The following MSRA variants were observed in gnomAD, a reference collection of about 807,000 sequenced individuals.
MSRA encodes methionine sulfoxide reductase A, also known as mitochondrial peptide methionine sulfoxide reductase.
A neutral mutation model predicts 31.3 loss-of-function variants in MSRA; 54 were observed. The ratio of observed to expected loss-of-function variants is 1.73; its 90% CI spans 1.39 to 2.17. MSRA has a LOEUF of 2.17. Ranked by LOEUF, MSRA falls within the 30% of genes most tolerant of loss-of-function variation. The pLI is 0.00. For synonymous variants in MSRA, 169 were observed against 116.5 expected, an observed-to-expected ratio of 1.45 and a Z score of -2.90; for missense variants, 507 against 300.9, an observed-to-expected ratio of 1.69 and a Z score of -5.07.
chr8:10,177,113 A>G (rs543639207), intron 1 of MSRA, among the ~76,000 whole-genome samples: 48 of 152,280 alleles, frequency 3.2e-4, no homozygotes, highest in African/African-American at 1.1e-3. Flanking sequence ...AGTCTCTTGT[A>G]TCTTTGCAAA....
chr8:10,332,417 T>C (rs530397896), intron 5 of MSRA, among the ~76,000 whole-genome samples: 1 of 151,974 alleles, frequency 6.6e-6, no homozygotes, highest in Admixed American at 6.5e-5. Flanking sequence ...AAACCCTGAA[T>C]AATTCATTGA....
At chr8:10,076,461 G>A (rs185530467) in intron 1 of MSRA, among the ~76,000 whole-genome samples, 4 of 152,306 alleles carry the variant, frequency 2.6e-5, no homozygotes, top group Middle Eastern at 3.4e-3. Context: ...AAGCAGGAAG[G>A]TTGATTATTA....
chr8:10,200,680 C>T (rs922747030), intron 1 of MSRA, among the ~76,000 whole-genome samples: 4 of 152,178 alleles, frequency 2.6e-5, no homozygotes, highest in African/African-American at 2.4e-5. Flanking sequence ...GTAGCCTCTC[C>T]TGACATATAG....
intron 5 of MSRA, among the ~76,000 whole-genome samples, chr8:10,410,071 G>T (rs535482792): frequency 4.9e-4 from 75 of 152,324 alleles, no homozygotes; most frequent in Middle Eastern, 3.4e-3. Context: ...TATTTTTAAA[G>T]ATATTTCTTC....
chr8:10,203,215 A>G (rs943354867), intron 1 of MSRA, among the ~76,000 whole-genome samples: 2 of 152,066 alleles, frequency 1.3e-5, no homozygotes, highest in African/African-American at 4.8e-5. Flanking sequence ...TGGTCTTTCC[A>G]TCTCAGCCAG....
intron 5 of MSRA, among the ~76,000 whole-genome samples, chr8:10,405,742 T>C (rs1294977929): frequency 6.6e-6 from 1 of 151,778 alleles, no homozygotes; most frequent in Admixed American, 6.6e-5. Flanking sequence ...CACACGTGTG[T>C]TCACACACAC....
intron 1 of MSRA, among the ~76,000 whole-genome samples, chr8:10,169,308 G>A (rs1009124589): frequency 6.6e-6 from 1 of 152,170 alleles, no homozygotes; most frequent in African/African-American, 2.4e-5. Flanking sequence ...CACAATACTT[G>A]CCTTAACTGA....
chr8:10,059,281 A>T (rs182691075), intron 1 of MSRA, among the ~76,000 whole-genome samples: 1 of 152,330 alleles, frequency 6.6e-6, no homozygotes, highest in Non-Finnish European at 1.5e-5. Context: ...AGTGTCTTGT[A>T]TGCCAGGCAC....
intron 1 of MSRA, among the ~76,000 whole-genome samples, chr8:10,160,199 G>C (rs1252971362): frequency 1.3e-5 from 2 of 152,158 alleles, no homozygotes; most frequent in African/African-American, 4.8e-5. Flanking sequence ...CAGGTGATTA[G>C]AAATATAGAT....
chr8:10,385,688 G>T (rs930904008), intron 5 of MSRA, among the ~76,000 whole-genome samples: 31 of 152,092 alleles, frequency 2.0e-4, no homozygotes, highest in African/African-American at 7.2e-4. Context: ...TTTCCAAGAG[G>T]CAGTGAAGTC....
chr8:10,325,347 A>G (rs968989387), intron 5 of MSRA, among the ~76,000 whole-genome samples: 3 of 152,016 alleles, frequency 2.0e-5, no homozygotes, highest in Admixed American at 1.3e-4. Context: ...GTATATCTAT[A>G]TAATATATAG....
In MSRA at chr8:10,093,310, A is replaced by T. The variant is rs191351441; in HGVS notation, c.142+38652A>T. Among the ~76,000 whole-genome samples the T allele has an allele frequency of 3.3e-5, 5 of 152,132 alleles. No individual in the cohort carries two copies. The East Asian group carries it at 9.6e-4, about 29-fold the overall frequency. ...TAAATATTTTTTCAAGTAACATTTT[A>T]ATTTCCTTGCCATTTATTTTCCTCT... is the stretch of plus-strand genomic sequence containing the variant. On this transcript the variant is annotated intron_variant, in intron 1 of 5. Transcript: ENST00000317173.
At chr8:10,191,277 C>G (rs1807480132) in intron 1 of MSRA, among the ~76,000 whole-genome samples, 1 of 152,178 alleles carries the variant, frequency 6.6e-6, no homozygotes, top group Non-Finnish European at 1.5e-5. Context: ...AAAGAGACCC[C>G]AGACTCACCT....
intron 3 of MSRA, among the ~76,000 whole-genome samples, chr8:10,246,484 A>C (rs1797629632): frequency 1.3e-5 from 2 of 152,226 alleles, no homozygotes; most frequent in Non-Finnish European, 2.9e-5. Flanking sequence ...ATAGTCCACT[A>C]TTATTGATGA....
chr8:10,100,365 C>G (rs935631441), intron 1 of MSRA, among the ~76,000 whole-genome samples: 1 of 152,104 alleles, frequency 6.6e-6, no homozygotes, highest in East Asian at 1.9e-4. Context: ...CTGCCCAAGC[C>G]CTGTGCCTTG....
At chr8:10,405,891 C>T (rs1303628866) in intron 5 of MSRA, among the ~76,000 whole-genome samples, 1 of 152,198 alleles carries the variant, frequency 6.6e-6, no homozygotes, top group Non-Finnish European at 1.5e-5. Flanking sequence ...CACACATGTT[C>T]ACATACACGC....
At chr8:10,191,663 C>T (rs1224714433) in intron 1 of MSRA, among the ~76,000 whole-genome samples, 3 of 151,920 alleles carry the variant, frequency 2.0e-5, no homozygotes, top group Non-Finnish European at 4.4e-5. Context: ...AGATAGTCTC[C>T]AACTTAGAAA....
At chr8:10,407,327 G>A (rs2129186823) in intron 5 of MSRA, among the ~76,000 whole-genome samples, 1 of 152,294 alleles carries the variant, frequency 6.6e-6, no homozygotes, top group East Asian at 1.9e-4. Context: ...GTAGATTTTA[G>A]GGTCATGACA....
chr8:10,169,264 ATT>A (rs2129045626), intron 1 of MSRA, among the ~76,000 whole-genome samples: 1 of 152,316 alleles, frequency 6.6e-6, no homozygotes, highest in East Asian at 1.9e-4. Context: ...AAGCCTTAAC[ATT>A]GTTACCAACC....
Sources: allele counts gnomAD v4.1 joint callset (sites outside exome capture counted in the v4.1 genomes callset), GRCh38; gene constraint gnomAD v4.1.1; transcripts MANE v1.5; gene names NCBI Gene and HGNC (gene_info 2026-07-23, HGNC 2026-07-21).